Variants in CTTNBP2 observed in about 807,000 individuals in gnomAD.
CTTNBP2 encodes the protein cortactin-binding protein 2.
Under a neutral mutation model 156.9 loss-of-function variants are expected in CTTNBP2, and 108 were observed. The observed-to-expected ratio is 0.69, with a 90% CI of 0.59 to 0.81. The LOEUF (loss-of-function observed/expected upper bound fraction) is 0.81. Among genes scored for constraint, CTTNBP2 ranks in the 30% least tolerant of loss-of-function variants. The pLI, the probability that CTTNBP2 is intolerant of heterozygous loss-of-function variation, is 0.00. For missense variants in CTTNBP2, 1,924 were observed against 2,035.4 expected (o/e 0.95, Z 1.05); for synonymous variants, 767 against 751.8 (o/e 1.02, Z -0.33).
chr7:117,821,390 C>T (rs1486475536), intron 2 of CTTNBP2, among the ~76,000 whole-genome samples: 1 of 151,732 alleles, frequency 6.6e-6, no homozygotes, highest in East Asian at 1.9e-4. Context: ...TAGCTGCACC[C>T]TTTATCACTT....
chr7:117,746,595 C>A (rs534357158), intron 12 of CTTNBP2, among the ~76,000 whole-genome samples: 2 of 152,170 alleles, frequency 1.3e-5, no homozygotes, highest in East Asian at 1.9e-4. Context: ...TGTTTCCTTC[C>A]AGTTTTTTCT....
At chr7:117,773,702 C>T in intron 8 of CTTNBP2, among the ~76,000 whole-genome samples, 1 of 120,584 alleles carries the variant, frequency 8.3e-6, no homozygotes, top group East Asian at 2.1e-4. Context: ...CACACACACA[C>T]ACACACCCCA....
chr7:117,773,684 CACACACACACACACACACACA>C (rs1562992336), intron 8 of CTTNBP2, among the ~76,000 whole-genome samples: 31 of 150,430 alleles, frequency 2.1e-4, no homozygotes, highest in African/African-American at 7.1e-4. Context: ...CACACACACA[CACACACACACACACACACACA>C]CACCCCAAAA....
At chr7:117,731,269 A>G (rs1795382915) in intron 16 of CTTNBP2, among the ~76,000 whole-genome samples, 1 of 152,250 alleles carries the variant, frequency 6.6e-6, no homozygotes, top group African/African-American at 2.4e-5. Flanking sequence ...ATTTTGCTAG[A>G]TTTATACACA....
At chr7:117,804,705 G>A (rs1799829971) in intron 3 of CTTNBP2, among the ~76,000 whole-genome samples, 2 of 152,272 alleles carry the variant, frequency 1.3e-5, no homozygotes, top group African/African-American at 2.4e-5. Flanking sequence ...TCACTTATAA[G>A]TGGGAGCTGA....
rs1160211359 is a variant in CTTNBP2, at chr7:117,816,691, TAA to T, written c.190-5704_190-5703del. Among the ~76,000 whole-genome samples the T allele has an allele frequency of 4.6e-5, 7 of 152,214 alleles. No individual in the cohort carries two copies. In the East Asian group the frequency reaches 5.8e-4, roughly 13 times the overall value. On this transcript the variant is annotated intron_variant, in intron 2 of 22. Transcript: ENST00000160373. ...ATGTGTATTCCTTCTAACGTTCTTG[TAA>T]AAAGTTTACTGCTCTTAAAATCTTA...
intron 2 of CTTNBP2, among the ~76,000 whole-genome samples, chr7:117,846,018 T>A (rs1243696637): frequency 6.9e-6 from 1 of 144,714 alleles, no homozygotes; most frequent in Non-Finnish European, 1.5e-5. Flanking sequence ...GCCCGGCTAA[T>A]TTTTTTGTAT....
chr7:117,831,395 G>A (rs1801603787), intron 2 of CTTNBP2, among the ~76,000 whole-genome samples: 1 of 151,974 alleles, frequency 6.6e-6, no homozygotes, highest in Non-Finnish European at 1.5e-5. Flanking sequence ...ATCATCTTTT[G>A]CTCCAGAGGA....
At chr7:117,867,528 C>T (rs1182174757) in intron 1 of CTTNBP2, among the ~76,000 whole-genome samples, 1 of 152,024 alleles carries the variant, frequency 6.6e-6, no homozygotes, top group African/African-American at 2.4e-5. Context: ...TTTTATCCAA[C>T]ATGCTCCCCC....
intron 6 of CTTNBP2, among the ~76,000 whole-genome samples, chr7:117,781,601 G>C (rs1054988736): frequency 6.6e-6 from 1 of 152,192 alleles, no homozygotes; most frequent in Non-Finnish European, 1.5e-5. Context: ...ATCTGGGTGT[G>C]GTGGCGTACA....
rs572077334 is a variant in CTTNBP2, at chr7:117,782,787, G to A, written c.2372+75C>T. On this transcript the variant is annotated intron_variant, in intron 6 of 22. Coordinates refer to ENST00000160373, the MANE Select transcript of CTTNBP2 (RefSeq NM_033427.3). ...AAGCACTAGTTTACACATTCAGCCG[G>A]AACTAAAATACGTGTGCAAATTATA... 353 of 941,544 alleles carry A rather than the reference G, an allele frequency of 3.7e-4. 1 individual carries two copies. The highest frequency in any genetic ancestry group is 5.4e-4 in the Non-Finnish European group (328 of 606,238). 58.3% of individuals were successfully genotyped at this position (941,544 alleles called of 1,614,324 possible).
chr7:117,806,092 G>T (rs1799924634), intron 3 of CTTNBP2, among the ~76,000 whole-genome samples: 1 of 152,120 alleles, frequency 6.6e-6, no homozygotes, highest in South Asian at 2.1e-4. Flanking sequence ...TCAAGCAGGG[G>T]CCGAGGGAAA....
At chr7:117,785,269 A>G (rs558212027) in intron 4 of CTTNBP2, among the ~76,000 whole-genome samples, 1 of 152,332 alleles carries the variant, frequency 6.6e-6, no homozygotes, top group African/African-American at 2.4e-5. Flanking sequence ...GCTTTAGAAG[A>G]GAGTCTGTTA....
At chr7:117,817,371 T>A (rs28484801) in intron 2 of CTTNBP2, among the ~76,000 whole-genome samples, 2,050 of 110,402 alleles carry the variant, frequency 0.019, 315 homozygotes, top group Middle Eastern at 0.04. Context: ...AATATATATA[T>A]ATATATATAT....
In CTTNBP2 at chr7:117,791,453, G is replaced by A; in HGVS notation, c.1743C>T (p.Asn581=). ...RASNTGAKVD[N]KTVASTPSSL... ...TGGAAGGAGTCGAAGCCACAGTTTT[G>A]TTATCAACTTTGGCCCCTGTGTTCG... The change falls in exon 4 of 23, where the codon AAC becomes AAT. Residue 581 remains asparagine (N), a synonymous_variant. Coordinates refer to ENST00000160373, the MANE Select transcript of CTTNBP2 (RefSeq NM_033427.3). 1 of 1,614,212 alleles carries A rather than the reference G, an allele frequency of 6.2e-7. No homozygotes were observed. Among genetic ancestry groups the A allele is most frequent in the Middle Eastern group, 1.6e-4 (1 of 6,062 alleles).
At chr7:117,738,174 A>T (rs1795811259) in intron 14 of CTTNBP2, among the ~76,000 whole-genome samples, 1 of 152,162 alleles carries the variant, frequency 6.6e-6, no homozygotes, top group South Asian at 2.1e-4. Context: ...TTCTGATTTA[A>T]TTGCACTGTG....
chr7:117,775,965 C>A lies in CTTNBP2; in HGVS notation c.2778+1546G>T, dbSNP rs75829225. On this transcript the variant is annotated intron_variant, in intron 8 of 22. Transcript: ENST00000160373. Reference sequence around the variant, plus strand: ...ACTGAATTGAATCATGCCCTTTTCTCATTTTGTAAAACACCAAAGTCCAAG... The same window carrying A: ...ACTGAATTGAATCATGCCCTTTTCTAATTTTGTAAAACACCAAAGTCCAAG... Among the ~76,000 whole-genome samples the A allele has an allele frequency of 2.3e-3, 351 of 152,298 alleles. 3 individuals are homozygous for A. The highest frequency in any genetic ancestry group is 3.6e-3 in the Admixed American group (55 of 15,296).
At chr7:117,868,601 A>T (rs966454076) in intron 1 of CTTNBP2, among the ~76,000 whole-genome samples, 1 of 152,214 alleles carries the variant, frequency 6.6e-6, no homozygotes, top group Non-Finnish European at 1.5e-5. Context: ...TTAAAATTTT[A>T]AAAATCTTTC....
At chr7:117,748,302 T>C (rs944565756) in intron 12 of CTTNBP2, among the ~76,000 whole-genome samples, 6 of 152,234 alleles carry the variant, frequency 3.9e-5, no homozygotes, top group African/African-American at 1.2e-4. Context: ...TGTCTAGTTA[T>C]AGCCTCTTTC....
Sources: allele counts gnomAD v4.1 joint callset (sites outside exome capture counted in the v4.1 genomes callset), GRCh38; gene constraint gnomAD v4.1.1; transcripts MANE v1.5; gene names NCBI Gene and HGNC (gene_info 2026-07-23, HGNC 2026-07-21).